CALN1: variants seen among roughly 807,000 people sequenced by gnomAD.
CALN1 encodes the protein calneuron 1.
CALN1 carries 17 observed loss-of-function variants against 30.6 expected under a neutral mutation model. That is an observed-to-expected ratio of 0.56 (90% CI 0.38 to 0.83). The LOEUF (loss-of-function observed/expected upper bound fraction) is 0.83. Ranked by LOEUF, CALN1 falls within the 40% of genes least tolerant of loss-of-function variation. CALN1 has a pLI of 0.00. For synonymous variants in CALN1, 156 were observed against 131.4 expected (o/e 1.19, Z -1.28); for missense variants, 291 against 354.9 (o/e 0.82, Z 1.45).
At chr7:72,223,772 G>C (rs1016886477) in intron 3 of CALN1, among the ~76,000 whole-genome samples, 3 of 152,174 alleles carry the variant, frequency 2.0e-5, no homozygotes, top group Non-Finnish European at 4.4e-5. Flanking sequence ...CAGTGGATTG[G>C]GTAAAGAAAA....
the CALN1 span, among the ~76,000 whole-genome samples, chr7:72,499,909 C>A: frequency 7.5e-5 from 3 of 40,126 alleles, 1 homozygote; most frequent in Non-Finnish European, 1.4e-4. Flanking sequence ...TTCTTTCTTT[C>A]TTTCTATCTT....
intron 3 of CALN1, among the ~76,000 whole-genome samples, chr7:72,277,009 T>TA (rs1281292012): frequency 1.3e-5 from 2 of 152,166 alleles, no homozygotes; most frequent in African/African-American, 4.8e-5. Flanking sequence ...ACCTTGATCT[T>TA]AGACTTCCAA....
At chr7:72,188,567 G>T (rs902220265) in intron 3 of CALN1, among the ~76,000 whole-genome samples, 9 of 151,672 alleles carry the variant, frequency 5.9e-5, no homozygotes, top group African/African-American at 1.9e-4. Flanking sequence ...GTGGGAGGGG[G>T]GTGAGGAATA....
the CALN1 span, among the ~76,000 whole-genome samples, chr7:72,461,286 C>G: frequency 6.6e-6 from 1 of 152,164 alleles, no homozygotes; most frequent in Admixed American, 6.5e-5. Context: ...GAACTACCAC[C>G]AAACCCAATC....
At chr7:72,209,958 T>C (rs1196119110) in intron 3 of CALN1, among the ~76,000 whole-genome samples, 4 of 152,180 alleles carry the variant, frequency 2.6e-5, no homozygotes, top group Non-Finnish European at 5.9e-5. Context: ...TCAAAAGTTC[T>C]AGATAATAAA....
intron 5 of CALN1, among the ~76,000 whole-genome samples, chr7:71,940,404 T>C (rs1450303201): frequency 6.6e-6 from 1 of 151,304 alleles, no homozygotes; most frequent in Non-Finnish European, 1.5e-5. Flanking sequence ...ATGCCACTGC[T>C]TTCTCTTCCA....
chr7:72,314,209 C>A (rs994662250), intron 2 of CALN1, among the ~76,000 whole-genome samples: 1 of 152,148 alleles, frequency 6.6e-6, no homozygotes, highest in Non-Finnish European at 1.5e-5. Context: ...CGGCAGAATT[C>A]CAGCAGCTGA....
chr7:72,306,102 T>C (rs1431793949), intron 2 of CALN1, among the ~76,000 whole-genome samples: 2 of 152,182 alleles, frequency 1.3e-5, no homozygotes, highest in African/African-American at 4.8e-5. Flanking sequence ...TCTAACCTTG[T>C]ATATCATGAC....
At chr7:72,003,265 T>A (rs891001511) in intron 5 of CALN1, among the ~76,000 whole-genome samples, 9 of 152,344 alleles carry the variant, frequency 5.9e-5, no homozygotes, top group African/African-American at 2.2e-4. Flanking sequence ...TACTTAGGTA[T>A]ACCCTTGTCA....
intron 5 of CALN1, among the ~76,000 whole-genome samples, chr7:71,907,401 A>C (rs71551237): frequency 0.089 from 13,478 of 152,058 alleles, 998 homozygotes; most frequent in East Asian, 0.42. Flanking sequence ...GCACAGCCGC[A>C]TTATTTTTCT....
chr7:71,964,691 A>G (rs941313496), intron 5 of CALN1, among the ~76,000 whole-genome samples: 2 of 152,146 alleles, frequency 1.3e-5, no homozygotes, highest in African/African-American at 2.4e-5. Context: ...CAAAACAAAA[A>G]AAGGAACAAC....
chr7:72,299,890 TG>T (rs977172144), intron 2 of CALN1, among the ~76,000 whole-genome samples: 2 of 151,008 alleles, frequency 1.3e-5, no homozygotes, highest in African/African-American at 2.4e-5. Flanking sequence ...TGTTTTGTTT[TG>T]TTTTTTTGTT....
At chr7:71,866,920 G>GGGCC in intron 5 of CALN1, among the ~76,000 whole-genome samples, 1 of 152,140 alleles carries the variant, frequency 6.6e-6, no homozygotes, top group African/African-American at 2.4e-5. Context: ...CGAAATGAGT[G>GGGCC]GATCACTTGA....
At chr7:71,911,687 T>C in intron 5 of CALN1, among the ~76,000 whole-genome samples, 1 of 152,128 alleles carries the variant, frequency 6.6e-6, no homozygotes, top group East Asian at 1.9e-4. Context: ...TGTGAATAAG[T>C]TTCACCTCTG....
At chr7:71,837,744 A>C (rs1336232954) in intron 5 of CALN1, among the ~76,000 whole-genome samples, 1 of 152,046 alleles carries the variant, frequency 6.6e-6, no homozygotes, top group Non-Finnish European at 1.5e-5. Context: ...GAAACCATCC[A>C]CATCTAAAAT....
intron 1 of CALN1, among the ~76,000 whole-genome samples, chr7:72,444,353 A>G (rs1171466620): frequency 6.6e-6 from 1 of 152,048 alleles, no homozygotes; most frequent in Non-Finnish European, 1.5e-5. Flanking sequence ...TTCCCCACAA[A>G]TGGATCTATC....
rs1468099610 is a variant in CALN1 at position 72,054,496 on chromosome 7, T to TATAC, written c.389-30731_389-30728dup. Among the ~76,000 whole-genome samples the TATAC allele has an allele frequency of 4.1e-4, 26 of 62,736 alleles. 1 individual carries two copies. In the South Asian group the frequency reaches 0.013, roughly 31 times the overall value. The allele number at this position is 62,736 out of a possible 152,430, so 41.2% of individuals were successfully genotyped here. A position where few individuals can be genotyped will look rare whatever the true frequency, so the allele number is the denominator to read the frequency against. ...ATATACATACATATATATATACATA[T>TATAC]ATACATATATATACATATATATACA... On this transcript the variant is annotated intron_variant, in intron 4 of 6. Transcript: ENST00000395275.
chr7:71,873,001 ATTTTTTTTTT>A (rs371153112), intron 5 of CALN1, among the ~76,000 whole-genome samples: 1 of 115,618 alleles, frequency 8.6e-6, no homozygotes, highest in Non-Finnish European at 1.7e-5. Context: ...GTTTGTGACA[ATTTTTTTTTT>A]TTTTTTTTTT....
intron 2 of CALN1, among the ~76,000 whole-genome samples, chr7:72,332,425 G>A (rs1260832972): frequency 1.3e-5 from 2 of 152,090 alleles, no homozygotes; most frequent in Non-Finnish European, 2.9e-5. Context: ...TGGCACATGT[G>A]TGGGTGTGTC....
Sources: gnomAD v4.1 joint callset for allele counts (sites outside exome capture counted in the v4.1 genomes callset) on GRCh38, gnomAD v4.1.1 for gene constraint, MANE v1.5 for transcripts, NCBI Gene and HGNC (gene_info 2026-07-23, HGNC 2026-07-21) for gene names.